The following CAB39L variants were observed in gnomAD, a reference collection of about 807,000 sequenced individuals.
CAB39L encodes the protein calcium binding protein 39 like.
CAB39L carries 23 observed loss-of-function variants against 39.1 expected under a neutral mutation model. The ratio of observed to expected loss-of-function variants is 0.59; its 90% confidence interval spans 0.42 to 0.83. The LOEUF is 0.83. Ranked by LOEUF, CAB39L falls within the 40% of genes least tolerant of loss-of-function variation. The pLI is 0.00. For missense variants in CAB39L, 366 were observed against 391.9 expected (o/e 0.93, Z 0.56); for synonymous variants, 126 against 137.2 (o/e 0.92, Z 0.57).
chr13:49,341,761 A>C lies in CAB39L; in HGVS notation c.625-2019T>G, dbSNP rs535384135. Among the ~76,000 whole-genome samples the C allele has an allele frequency of 7.2e-5, 11 of 152,316 alleles. No homozygotes were observed. The South Asian group carries it at 1.5e-3, about 20-fold the overall frequency. ...AAGTTCCCAACACAAAGAAACGATA[A>C]ATATTTGAGGTGACGGGCATCCTGA... On this transcript the variant is annotated intron_variant, in intron 8 of 10. Coordinates refer to ENST00000409308, the MANE Select transcript of CAB39L (RefSeq NM_001079670.3).
Position 49,346,561 on chromosome 13 carries a change from T to C in CAB39L, c.565-2323A>G, listed in dbSNP as rs1465682554. Among the ~76,000 whole-genome samples, 3 of 152,166 alleles carry C rather than the reference T, an allele frequency of 2.0e-5. No homozygotes were observed. The East Asian group carries it at 5.8e-4, about 29-fold the overall frequency. On this transcript the variant is annotated intron_variant, in intron 7 of 10. Transcript: ENST00000409308. ...AAAAATCTGATATCTATATTTTTAA[T>C]GAATACTGCTTGAGAGAAACTTGGG...
intron 5 of CAB39L, among the ~76,000 whole-genome samples, chr13:49,370,221 G>A (rs1955882242): frequency 6.6e-6 from 1 of 151,878 alleles, no homozygotes; most frequent in African/African-American, 2.4e-5. Flanking sequence ...AAGATATAGG[G>A]AATGAAACTA....
At chr13:49,348,385 T>C (rs905652869) in intron 7 of CAB39L, among the ~76,000 whole-genome samples, 1 of 152,098 alleles carries the variant, frequency 6.6e-6, no homozygotes, top group African/African-American at 2.4e-5. Context: ...CTGGCCAACA[T>C]GGCAAAACCC....
intron 2 of CAB39L, among the ~76,000 whole-genome samples, 199 bp from the exon 3 acceptor site, chr13:49,433,592 T>G (rs751898201): frequency 8.5e-5 from 13 of 152,182 alleles, no homozygotes; most frequent in Non-Finnish European, 1.5e-4. Flanking sequence ...AGTATTGAAC[T>G]GAATGAAAAA....
intron 10 of CAB39L, among the ~76,000 whole-genome samples, chr13:49,324,351 T>G (rs766923546): frequency 3.3e-5 from 5 of 151,696 alleles, no homozygotes; most frequent in African/African-American, 4.8e-5. Context: ...TAAAAATAAT[T>G]CTAAAAAAAG....
intron 3 of CAB39L, among the ~76,000 whole-genome samples, chr13:49,394,458 T>C (rs1956562302): frequency 1.3e-5 from 2 of 152,034 alleles, no homozygotes. Flanking sequence ...TAGACAATAA[T>C]TTGACAAATA....
At chr13:49,367,754 A>T (rs538230719) in intron 5 of CAB39L, among the ~76,000 whole-genome samples, 1 of 152,028 alleles carries the variant, frequency 6.6e-6, no homozygotes, top group East Asian at 1.9e-4. Context: ...CCATCTCTAC[A>T]AAAAAATACA....
intron 8 of CAB39L, among the ~76,000 whole-genome samples, chr13:49,341,182 ATAG>A (rs1178780934): frequency 6.6e-6 from 1 of 152,208 alleles, no homozygotes; most frequent in Non-Finnish European, 1.5e-5. Flanking sequence ...TCTAGCATAT[ATAG>A]TTACTGAACA....
At chr13:49,332,529 C>G (rs1291788986) in intron 9 of CAB39L, among the ~76,000 whole-genome samples, 1 of 152,100 alleles carries the variant, frequency 6.6e-6, no homozygotes, top group African/African-American at 2.4e-5. Context: ...ATGACTCTTA[C>G]ATTTCCCCTG....
At chr13:49,394,528 A>C (rs1243801195) in intron 3 of CAB39L, among the ~76,000 whole-genome samples, 1 of 152,104 alleles carries the variant, frequency 6.6e-6, no homozygotes, top group Non-Finnish European at 1.5e-5. Flanking sequence ...CATTTCTGGT[A>C]ATCTGTCCTA....
chr13:49,376,746 C>CCGTT (rs369491810), intron 5 of CAB39L, among the ~76,000 whole-genome samples: 84 of 152,310 alleles, frequency 5.5e-4, no homozygotes, highest in African/African-American at 2.0e-3. Flanking sequence ...CTTCTATTAA[C>CCGTT]CGTTATCTTT....
intron 5 of CAB39L, among the ~76,000 whole-genome samples, chr13:49,371,189 C>CTTTTTTTTTTTTTTTT (rs386379129): frequency 9.8e-6 from 1 of 102,230 alleles, no homozygotes; most frequent in Non-Finnish European, 2.0e-5. Context: ...CTTTTTCTTT[C>CTTTTTTTTTTTTTTTT]TTTTTTTTTT....
chr13:49,396,701 C>A (rs1196724608), intron 3 of CAB39L, among the ~76,000 whole-genome samples: 2 of 151,846 alleles, frequency 1.3e-5, no homozygotes, highest in African/African-American at 2.4e-5. Flanking sequence ...TAGCGAGATT[C>A]CATCTCAAAA....
At chr13:49,348,861 C>T (rs557061237) in intron 7 of CAB39L, among the ~76,000 whole-genome samples, 1 of 152,294 alleles carries the variant, frequency 6.6e-6, no homozygotes, top group African/African-American at 2.4e-5. Context: ...TCCATCACAA[C>T]AAATCTCTCT....
chr13:49,313,064 G>C (rs1954040658), intron 10 of CAB39L, among the ~76,000 whole-genome samples: 1 of 152,050 alleles, frequency 6.6e-6, no homozygotes, highest in South Asian at 2.1e-4. Flanking sequence ...TTTATTTTTT[G>C]AACACATAAT....
rs57141770 is a variant in CAB39L at position 49,436,553 on chromosome 13, C to CTTTTTTTT, written c.-245-2338_-245-2331dup. The stretch of plus-strand genomic sequence containing the variant: ...TTTAGCTTCATTTCTTTCTTTATGA[C>CTTTTTTTT]TTTTTTTTTTTTTTTTTTTTTTTTT... On this transcript the variant is annotated intron_variant, in intron 1 of 10. Transcript: ENST00000409308. 8.2e-5 allele frequency among the ~76,000 whole-genome samples: 6 copies of CTTTTTTTT among 73,466 alleles called. 1 individual carries two copies. Among genetic ancestry groups the CTTTTTTTT allele is most frequent in the Non-Finnish European group, 1.2e-4 (5 of 42,614 alleles). The allele number at this position is 73,466 out of a possible 152,430, so 48.2% of individuals were successfully genotyped here.
At chr13:49,401,546 T>A (rs1189897166) in intron 3 of CAB39L, 2 of 105,156 alleles carry the variant, frequency 1.9e-5, no homozygotes, top group South Asian at 7.8e-4. Flanking sequence ...TTCAGATACG[T>A]ACCACAGTCA....
Position 49,434,237 on chromosome 13 carries a change from G to A in CAB39L, c.-245-14C>T, listed in dbSNP as rs1291193475. ...TTGATGGATATCCTGCAATAATGTA[G>A]GAAAAACAGCACAGGCTTTGGAGTC... On this transcript the variant is annotated splice_polypyrimidine_tract_variant and intron_variant, in intron 1 of 10. Transcript: ENST00000409308. 2 of 447,196 alleles carry A rather than the reference G, an allele frequency of 4.5e-6. No homozygotes were observed. The highest frequency in any genetic ancestry group is 1.6e-5 in the South Asian group (1 of 62,804). The allele number at this position is 447,196 out of a possible 1,614,324, so 27.7% of individuals were successfully genotyped here. A position where few individuals can be genotyped will look rare whatever the true frequency, so the allele number is the denominator to read the frequency against.
intron 5 of CAB39L, among the ~76,000 whole-genome samples, chr13:49,371,871 C>T (rs1428452915): frequency 2.0e-5 from 3 of 152,042 alleles, no homozygotes; most frequent in Non-Finnish European, 2.9e-5. Context: ...GGATTATAGG[C>T]GTGAGCCACT....
Sources: gnomAD v4.1 joint callset for allele counts (sites outside exome capture counted in the v4.1 genomes callset) on GRCh38, gnomAD v4.1.1 for gene constraint, MANE v1.5 for transcripts, NCBI Gene and HGNC (gene_info 2026-07-23, HGNC 2026-07-21) for gene names.